GJA3: variants seen among roughly 807,000 people sequenced by gnomAD.
GJA3 encodes gap junction protein alpha 3.
For missense variants in GJA3, 571 were observed against 620.3 expected, an observed-to-expected ratio of 0.92 and a Z score of 0.84; for synonymous variants, 297 against 292.6, an observed-to-expected ratio of 1.02 and a Z score of -0.15.
chr13:20,156,751 A>G (rs943311955), intron 1 of GJA3, among the ~76,000 whole-genome samples: 2 of 152,262 alleles, frequency 1.3e-5, no homozygotes, highest in Non-Finnish European at 2.9e-5. Context: ...GAAATACTTG[A>G]ATAAATATTC....
intron 1 of GJA3, among the ~76,000 whole-genome samples, chr13:20,154,798 G>A (rs1194065679): frequency 6.6e-6 from 1 of 152,028 alleles, no homozygotes; most frequent in Non-Finnish European, 1.5e-5. Flanking sequence ...TCCATCTATT[G>A]TGATTTTTTA....
At chr13:20,149,243 C>T (rs1958862274) in intron 1 of GJA3, among the ~76,000 whole-genome samples, 1 of 152,130 alleles carries the variant, frequency 6.6e-6, no homozygotes, top group African/African-American at 2.4e-5. Context: ...CCTGTAATCT[C>T]TGCACTTTGG....
At chr13:20,155,199 C>G (rs894534797) in intron 1 of GJA3, among the ~76,000 whole-genome samples, 1 of 152,142 alleles carries the variant, frequency 6.6e-6, no homozygotes, top group Non-Finnish European at 1.5e-5. Context: ...CAATTTGCTA[C>G]TACTTTATTT....
chr13:20,148,887 C>T (rs1376002143), intron 1 of GJA3, among the ~76,000 whole-genome samples: 1 of 152,196 alleles, frequency 6.6e-6, no homozygotes, highest in Non-Finnish European at 1.5e-5. Flanking sequence ...GACCTAAAAA[C>T]TGTGGGGGTT....
intron 1 of GJA3, among the ~76,000 whole-genome samples, chr13:20,144,609 A>T (rs1449414470): frequency 6.6e-6 from 1 of 152,178 alleles, no homozygotes; most frequent in African/African-American, 2.4e-5. Context: ...AAACATCCCC[A>T]GGCAGGCAGC....
chr13:20,151,554 G>A (rs1261191095), intron 1 of GJA3, among the ~76,000 whole-genome samples: 1 of 152,174 alleles, frequency 6.6e-6, no homozygotes, highest in Non-Finnish European at 1.5e-5. Flanking sequence ...AAGCCGCGGA[G>A]GAGCATCAGT....
chr13:20,152,973 ATAT>A (rs1040859994), intron 1 of GJA3, among the ~76,000 whole-genome samples: 3 of 152,178 alleles, frequency 2.0e-5, no homozygotes, highest in Non-Finnish European at 1.5e-5. Flanking sequence ...TAAGTCACAA[ATAT>A]TATATGATGA....
chr13:20,142,835 T>G lies in GJA3; in HGVS notation c.454A>C (p.Asn152His), dbSNP rs1289986084. The stretch of plus-strand genomic sequence containing the variant: ...TCGAACAGCGTCTTGAAGATGATGT[T>G]GAAGACGTAGGTCCGCAGCAGCGCC... ...AGALLRTYVF[N>H]IIFKTLFEVG... Residue 152 changes from asparagine (N) to histidine (H), a missense_variant, in exon 2 of 2, where the codon AAC becomes CAC. Asn to His is a moderately conservative substitution (Grantham distance 68, BLOSUM62 1). Coordinates refer to ENST00000241125, the MANE Select transcript of GJA3 (RefSeq NM_021954.4). 3 of 1,613,466 alleles carry G rather than the reference T, an allele frequency of 1.9e-6. No homozygotes were observed. Among genetic ancestry groups the G allele is most frequent in the South Asian group, 1.1e-5 (1 of 91,068 alleles).
intron 1 of GJA3, among the ~76,000 whole-genome samples, chr13:20,152,852 CT>C (rs1958886749): frequency 6.6e-6 from 1 of 152,218 alleles, no homozygotes; most frequent in Admixed American, 6.5e-5. Flanking sequence ...CTATGTTTAA[CT>C]ATTAATGTCT....
At position 20,139,004 on chromosome 13, in the gene GJA3, G is replaced by T. The variant is rs541067992; in HGVS notation, c.*2977C>A. ...ATCCACTTACTTGTCCAGAGCCGAA[G>T]AAATCCAGGATAAATGAGAAAGATG... On this transcript the variant is annotated 3_prime_UTR_variant, in exon 2 of 2. Coordinates refer to ENST00000241125, the MANE Select transcript of GJA3 (RefSeq NM_021954.4). 5.9e-5 allele frequency: 9 copies of T among 152,108 alleles called. No individual in the cohort carries two copies. The highest frequency in any genetic ancestry group is 8.8e-5 in the Non-Finnish European group (6 of 68,002). 9.4% of individuals were successfully genotyped at this position (152,108 alleles called of 1,614,324 possible).
At position 20,142,911 on chromosome 13, in the gene GJA3, C is replaced by A. The variant is rs530211716; in HGVS notation, c.378G>T (p.Pro126=). The change falls in exon 2 of 2, where the codon CCG becomes CCT. Residue 126 remains proline (P), a synonymous_variant. Coordinates refer to ENST00000241125, the MANE Select transcript of GJA3 (RefSeq NM_021954.4). ...CGTCCCGCGACGAGGGATTGTCCTG[C>A]GGTGGCTCCTTGGGGCTGGGGCTCT... is the stretch of plus-strand genomic sequence containing the variant. ...KRESPSPKEP[P]QDNPSSRDDR... 4 of 1,586,072 alleles carry A rather than the reference C, an allele frequency of 2.5e-6. No homozygotes were observed. Among genetic ancestry groups the A allele is most frequent in the Non-Finnish European group, 1.7e-6 (2 of 1,166,064 alleles).
chr13:20,141,961 T>C lies in GJA3; in HGVS notation c.*20A>G. ...AGAAAAAGATCACTACACAGCTGTCTGGAGGCAGGCACCCGGGCACTAGAT... is the reference window on the plus strand; with the variant it reads ...AGAAAAAGATCACTACACAGCTGTCCGGAGGCAGGCACCCGGGCACTAGAT... On this transcript the variant is annotated 3_prime_UTR_variant, in exon 2 of 2. Coordinates refer to ENST00000241125, the MANE Select transcript of GJA3 (RefSeq NM_021954.4). 1 of 1,550,082 alleles carries C rather than the reference T, an allele frequency of 6.5e-7. No homozygotes were observed. Among genetic ancestry groups the C allele is most frequent in the Non-Finnish European group, 8.7e-7 (1 of 1,146,642 alleles).
intron 1 of GJA3, among the ~76,000 whole-genome samples, chr13:20,159,263 T>C (rs1593341448): frequency 6.6e-6 from 1 of 151,604 alleles, no homozygotes; most frequent in East Asian, 1.9e-4. Context: ...ATTTGCAATC[T>C]ATGAGAGAGG....
rs1958796998 is a variant in GJA3, at chr13:20,139,822, C to T, written c.*2159G>A. On this transcript the variant is annotated 3_prime_UTR_variant, in exon 2 of 2. Coordinates refer to ENST00000241125, the MANE Select transcript of GJA3 (RefSeq NM_021954.4). Reference sequence around the variant, plus strand: ...GTTCTCATGCTCATCTCCAACCCCACTCAAAATCAAATTGTGGGTAAATAA... The same window carrying T: ...GTTCTCATGCTCATCTCCAACCCCATTCAAAATCAAATTGTGGGTAAATAA... 6.6e-6 allele frequency: 1 copy of T among 152,212 alleles called. No homozygotes were observed. The highest frequency in any genetic ancestry group is 2.4e-5 in the African/African-American group (1 of 41,452). 9.4% of individuals were successfully genotyped at this position (152,212 alleles called of 1,614,324 possible).
chr13:20,145,375 C>T (rs1005194842), intron 1 of GJA3, among the ~76,000 whole-genome samples: 2 of 152,182 alleles, frequency 1.3e-5, no homozygotes, highest in African/African-American at 4.8e-5. Context: ...CCCAGCCTCT[C>T]ATCTCCTATT....
In GJA3 at chr13:20,141,761, T is replaced by C; in HGVS notation, c.*220A>G. On this transcript the variant is annotated 3_prime_UTR_variant, in exon 2 of 2. Coordinates refer to ENST00000241125, the MANE Select transcript of GJA3 (RefSeq NM_021954.4). ...ACCCTTGTCCCCGCCACCCCCAAAC[T>C]CAGAAAGTGGGAGTTATCCCCACTG... 1 of 654,394 alleles carries C rather than the reference T, an allele frequency of 1.5e-6. No homozygotes were observed. The highest frequency in any genetic ancestry group is 2.4e-6 in the Non-Finnish European group (1 of 408,344). The allele number at this position is 654,394 out of a possible 1,614,324, so 40.5% of individuals were successfully genotyped here.
At chr13:20,160,048 A>C (rs1212103968) in intron 1 of GJA3, among the ~76,000 whole-genome samples, 1 of 152,172 alleles carries the variant, frequency 6.6e-6, no homozygotes, top group Non-Finnish European at 1.5e-5. Flanking sequence ...CATCTTGATA[A>C]AATAAAAACT....
chr13:20,151,816 AGCCACGCTCACAGG>A (rs1326433694), intron 1 of GJA3, among the ~76,000 whole-genome samples: 1 of 152,122 alleles, frequency 6.6e-6, no homozygotes, highest in African/African-American at 2.4e-5. Flanking sequence ...ACAGAAGAGT[AGCCACGCTCACAGG>A]GCCACCCTAG....
rs773157576 is a variant in GJA3 at position 20,143,003 on chromosome 13, C to T, written c.286G>A (p.Val96Met). ...TCTTCCATGCGCACGATGTGCAGCA[C>T]GTGGCCCAGGTAGATGAGGGTGGGC... The part of the protein sequence containing the change: ...STPTLIYLGH[V>M]LHIVRMEEKK... Residue 96 changes from valine (V) to methionine (M), a missense_variant, in exon 2 of 2, where the codon GTG becomes ATG. Transcript: ENST00000241125. The T allele has an allele frequency of 3.1e-6, 5 of 1,606,668 alleles. No individual in the cohort carries two copies. The highest frequency in any genetic ancestry group is 2.2e-5 in the East Asian group (1 of 44,554).
Sources: gnomAD v4.1 joint callset for allele counts (sites outside exome capture counted in the v4.1 genomes callset) on GRCh38, gnomAD v4.1.1 for gene constraint, MANE v1.5 for transcripts, NCBI Gene and HGNC (gene_info 2026-07-23, HGNC 2026-07-21) for gene names.